ARB2A: variants seen among roughly 807,000 people sequenced by gnomAD.
The protein encoded by ARB2A is cotranscriptional regulator ARB2A.
chr5:93,836,735 T>C, the ARB2A span, among the ~76,000 whole-genome samples: 1 of 152,214 alleles, frequency 6.6e-6, no homozygotes, highest in African/African-American at 2.4e-5. Context: ...AGTAACACTA[T>C]AACATGCATA....
the ARB2A span, among the ~76,000 whole-genome samples, chr5:93,701,646 C>A: frequency 1.3e-5 from 2 of 151,920 alleles, no homozygotes; most frequent in African/African-American, 4.8e-5. Flanking sequence ...GTGCGATCCA[C>A]TAGCCAAAAA....
chr5:93,928,964 C>T, the ARB2A span, among the ~76,000 whole-genome samples: 6 of 151,306 alleles, frequency 4.0e-5, no homozygotes, highest in South Asian at 6.3e-4. Context: ...CAATGTACCA[C>T]GAAGTCAACT....
the ARB2A span, among the ~76,000 whole-genome samples, chr5:93,633,264 G>A: frequency 6.6e-6 from 1 of 152,116 alleles, no homozygotes; most frequent in African/African-American, 2.4e-5. Context: ...AGATCATTTA[G>A]AGTTCAGAAA....
chr5:93,654,419 G>A, the ARB2A span, among the ~76,000 whole-genome samples: 5 of 152,154 alleles, frequency 3.3e-5, no homozygotes, highest in African/African-American at 1.2e-4. Flanking sequence ...AGCCTGACAT[G>A]TCTTCCCTTA....
chr5:94,020,559 T>C, the ARB2A span, among the ~76,000 whole-genome samples: 3 of 152,276 alleles, frequency 2.0e-5, no homozygotes, highest in East Asian at 5.8e-4. Flanking sequence ...CCAAACAGGC[T>C]ACTAAGGATA....
At chr5:94,008,718 T>C in the ARB2A span, among the ~76,000 whole-genome samples, 1 of 152,194 alleles carries the variant, frequency 6.6e-6, no homozygotes, top group Non-Finnish European at 1.5e-5. Flanking sequence ...TTATATGTTC[T>C]ATATAATATA....
the ARB2A span, among the ~76,000 whole-genome samples, chr5:93,827,473 T>G: frequency 6.6e-6 from 1 of 152,164 alleles, no homozygotes; most frequent in Non-Finnish European, 1.5e-5. Context: ...TTTGTTGGAG[T>G]TCATTGTAGA....
At chr5:94,042,454 C>T in the ARB2A span, among the ~76,000 whole-genome samples, 1 of 151,692 alleles carries the variant, frequency 6.6e-6, no homozygotes, top group African/African-American at 2.4e-5. Context: ...TACAGGCGCC[C>T]GCCACCACGC....
chr5:94,068,069 T>C, the ARB2A span, among the ~76,000 whole-genome samples: 1 of 152,168 alleles, frequency 6.6e-6, no homozygotes, highest in Admixed American at 6.5e-5. Context: ...GCAGGTCTTT[T>C]TTCTTACAGC....
chr5:93,848,794 A>G, the ARB2A span, among the ~76,000 whole-genome samples: 1 of 152,214 alleles, frequency 6.6e-6, no homozygotes, highest in African/African-American at 2.4e-5. Context: ...AGACTGTCAC[A>G]TAGTGACCTT....
the ARB2A span, among the ~76,000 whole-genome samples, chr5:93,623,611 T>A: frequency 6.6e-6 from 1 of 152,326 alleles, no homozygotes; most frequent in African/African-American, 2.4e-5. Context: ...GCTTGATTAG[T>A]CCTGGACTGA....
chr5:93,741,562 A>G, the ARB2A span: 1 of 1,538,930 alleles, frequency 6.5e-7, no homozygotes, highest in Non-Finnish European at 8.7e-7. Context: ...GTGTCCGGCC[A>G]TGGGTGGAAT....
the ARB2A span, chr5:93,805,618 T>G: frequency 9.1e-6 from 9 of 985,184 alleles, no homozygotes; most frequent in Non-Finnish European, 8.4e-6. Flanking sequence ...ACTACTGAAT[T>G]ACATTTCTCC....
At chr5:93,993,354 T>G in the ARB2A span, among the ~76,000 whole-genome samples, 1 of 152,128 alleles carries the variant, frequency 6.6e-6, no homozygotes, top group Non-Finnish European at 1.5e-5. Context: ...AATCCCATAG[T>G]GACAGAAGAC....
chr5:93,723,761 A>G, the ARB2A span, among the ~76,000 whole-genome samples: 1 of 151,994 alleles, frequency 6.6e-6, no homozygotes, highest in Non-Finnish European at 1.5e-5. Context: ...GGGATAATGA[A>G]ATTTCTATCA....
chr5:93,649,554 C>G, the ARB2A span, among the ~76,000 whole-genome samples: 2 of 152,180 alleles, frequency 1.3e-5, no homozygotes, highest in African/African-American at 4.8e-5. Flanking sequence ...AAGGCACCAA[C>G]TATGAATGGG....
the ARB2A span, among the ~76,000 whole-genome samples, chr5:93,977,125 T>G: frequency 2.0e-5 from 3 of 152,076 alleles, no homozygotes; most frequent in Middle Eastern, 3.2e-3. Flanking sequence ...GGAAAAGAAT[T>G]TCATGCTAAT....
the ARB2A span, among the ~76,000 whole-genome samples, chr5:93,992,794 T>C: frequency 4.6e-5 from 7 of 152,084 alleles, no homozygotes; most frequent in African/African-American, 1.7e-4. Flanking sequence ...GATTGGACTA[T>C]ATCAAAAGAA....
At chr5:94,074,596 C>G in the ARB2A span, 1 of 1,415,118 alleles carries the variant, frequency 7.1e-7, no homozygotes, top group Non-Finnish European at 9.8e-7. Context: ...ATTCCTACAC[C>G]TTTATTAGGC....
Sources: allele counts gnomAD v4.1 joint callset (sites outside exome capture counted in the v4.1 genomes callset), GRCh38; gene constraint gnomAD v4.1.1; transcripts MANE v1.5; gene names NCBI Gene and HGNC (gene_info 2026-07-23, HGNC 2026-07-21).